Variants in CSMD2 observed in about 807,000 individuals in gnomAD.
The protein encoded by CSMD2 is CUB and sushi domain-containing protein 2.
CSMD2 carries 130 observed loss-of-function variants against 398.5 expected under a neutral mutation model. That is an observed-to-expected ratio of 0.33 (90% CI 0.28 to 0.38). The LOEUF (loss-of-function observed/expected upper bound fraction) is 0.38. Among genes scored for constraint, CSMD2 ranks in the 10% least tolerant of loss-of-function variants. The pLI, the probability that CSMD2 is intolerant of heterozygous loss-of-function variation, is 1.00. For synonymous variants in CSMD2, 1,828 were observed against 1,908.5 expected, an observed-to-expected ratio of 0.96 and a Z score of 1.10; for missense variants, 3,829 against 4,764.9, an observed-to-expected ratio of 0.80 and a Z score of 5.78.
chr1:33,936,235 G>T (rs966492091), intron 3 of CSMD2, among the ~76,000 whole-genome samples: 2 of 152,220 alleles, frequency 1.3e-5, no homozygotes, highest in African/African-American at 4.8e-5. Context: ...AGCCATGGAT[G>T]TGAATTATGT....
intron 2 of CSMD2, among the ~76,000 whole-genome samples, chr1:34,071,446 A>C (rs1655726340): frequency 6.6e-6 from 1 of 152,250 alleles, no homozygotes; most frequent in African/African-American, 2.4e-5. Flanking sequence ...AAATTCAATC[A>C]ATCAGCAGCA....
At chr1:33,758,042 A>G (rs1458104578) in intron 13 of CSMD2, among the ~76,000 whole-genome samples, 1 of 152,224 alleles carries the variant, frequency 6.6e-6, no homozygotes, top group Admixed American at 6.5e-5. Context: ...CCTGCTGCAC[A>G]GAAGATAAAG....
chr1:33,890,445 T>C (rs1641926769), intron 5 of CSMD2, among the ~76,000 whole-genome samples: 2 of 152,194 alleles, frequency 1.3e-5, no homozygotes, highest in African/African-American at 2.4e-5. Context: ...TTAGCCAGGA[T>C]GGTCTCGATC....
At chr1:33,684,665 T>C (rs1557727576) in intron 25 of CSMD2, among the ~76,000 whole-genome samples, 1 of 152,202 alleles carries the variant, frequency 6.6e-6, no homozygotes, top group African/African-American at 2.4e-5. Flanking sequence ...CAATGAGCTC[T>C]TCCAGAAGCA....
At chr1:33,680,702 C>G (rs568175130) in intron 25 of CSMD2, among the ~76,000 whole-genome samples, 1 of 152,248 alleles carries the variant, frequency 6.6e-6, no homozygotes, top group East Asian at 1.9e-4. Flanking sequence ...CTTTTCCCTA[C>G]ATGAGGCCTG....
At chr1:34,133,082 G>A (rs957146632) in intron 1 of CSMD2, among the ~76,000 whole-genome samples, 1 of 151,324 alleles carries the variant, frequency 6.6e-6, no homozygotes, top group African/African-American at 2.4e-5. Context: ...CTCATGCTTC[G>A]TCCTAGGACA....
At chr1:33,668,854 G>T (rs747777989) in intron 25 of CSMD2, among the ~76,000 whole-genome samples, 1 of 152,238 alleles carries the variant, frequency 6.6e-6, no homozygotes, top group Non-Finnish European at 1.5e-5. Context: ...GTTGAGAGCT[G>T]CAGAAATGTG....
At chr1:33,782,209 G>A (rs144814115) in intron 12 of CSMD2, among the ~76,000 whole-genome samples, 1 of 151,850 alleles carries the variant, frequency 6.6e-6, no homozygotes, top group East Asian at 1.9e-4. Flanking sequence ...GCTCGTTCCT[G>A]AGTCGAGATG....
intron 5 of CSMD2, among the ~76,000 whole-genome samples, chr1:33,909,571 G>A (rs928491854): frequency 1.3e-5 from 2 of 152,090 alleles, no homozygotes; most frequent in Non-Finnish European, 2.9e-5. Context: ...ATGTCAAGCA[G>A]GAGAAGGGCC....
rs777081063 is a variant in CSMD2, at chr1:33,546,150, T to G, written c.8987A>C (p.Asp2996Ala). The G allele has an allele frequency of 1.9e-6, 3 of 1,614,122 alleles. No homozygotes were observed. The highest frequency in any genetic ancestry group is 2.5e-6 in the Non-Finnish European group (3 of 1,180,026). ...AHGIRLGDSFDPGTVMRFSCE... is the reference protein window; with the variant it reads ...AHGIRLGDSFAPGTVMRFSCE... ...GCTGAAGCGCATCACAGTGCCTGGA[T>G]CAAAGCTGTCCCCCAAACGGATGCC... The change falls in exon 57 of 71, where the codon GAT (aspartate) becomes GCT (alanine). Residue 2996 changes from aspartate (D) to alanine (A), a missense_variant. Asp to Ala is a moderately radical substitution (Grantham distance 126). Coordinates refer to ENST00000373381, the MANE Select transcript of CSMD2 (RefSeq NM_001281956.2).
Position 33,757,207 on chromosome 1 carries a change from A to G in CSMD2, c.1847-13601T>C, listed in dbSNP as rs531052969. 2.7e-3 allele frequency among the ~76,000 whole-genome samples: 415 copies of G among 152,290 alleles called. 1 individual carries two copies. The highest frequency in any genetic ancestry group is 9.3e-3 in the African/African-American group (386 of 41,550). ...AGCATTAGGAGATATACCTAAAGCTAAATGACGAGTTAATGGGTGCAGCAC... is the reference window on the plus strand; with the variant it reads ...AGCATTAGGAGATATACCTAAAGCTGAATGACGAGTTAATGGGTGCAGCAC... On this transcript the variant is annotated intron_variant, in intron 13 of 70. Transcript: ENST00000373381.
chr1:33,711,711 T>C (rs1435021487), intron 21 of CSMD2, among the ~76,000 whole-genome samples: 4 of 152,172 alleles, frequency 2.6e-5, no homozygotes, highest in African/African-American at 9.7e-5. Context: ...CCCTTAAACA[T>C]GGGCTTGGGT....
chr1:33,720,408 G>A (rs1458098943), intron 19 of CSMD2, among the ~76,000 whole-genome samples: 1 of 152,194 alleles, frequency 6.6e-6, no homozygotes, highest in African/African-American at 2.4e-5. Context: ...TAGATGCAGA[G>A]CTGGGGAGAG....
rs552438298 is a variant in CSMD2 at position 33,900,602 on chromosome 1, C to A, written c.920+17492G>T. On this transcript the variant is annotated intron_variant, in intron 5 of 70. Coordinates refer to ENST00000373381, the MANE Select transcript of CSMD2 (RefSeq NM_001281956.2). ...GACCAGCCTGGCCAACATGGTGAAA[C>A]CTTGTCTCTACTAAAAATACAAATA... Among the ~76,000 whole-genome samples the A allele has an allele frequency of 1.6e-3, 250 of 152,194 alleles. 1 individual carries two copies. The highest frequency in any genetic ancestry group is 5.7e-3 in the African/African-American group (238 of 41,510).
chr1:34,008,644 A>G (rs1242683927), intron 3 of CSMD2, among the ~76,000 whole-genome samples: 2 of 152,250 alleles, frequency 1.3e-5, no homozygotes, highest in African/African-American at 2.4e-5. Context: ...CTAAACACAC[A>G]GATGGGCAGC....
intron 5 of CSMD2, among the ~76,000 whole-genome samples, chr1:33,896,387 T>C (rs1210421240): frequency 6.6e-6 from 1 of 152,130 alleles, no homozygotes; most frequent in Non-Finnish European, 1.5e-5. Context: ...TCGGTGAAGC[T>C]TGAGGACATC....
intron 10 of CSMD2, among the ~76,000 whole-genome samples, chr1:33,808,171 A>C (rs937444206): frequency 1.3e-5 from 2 of 152,084 alleles, no homozygotes; most frequent in African/African-American, 4.8e-5. Context: ...CAAATCCACC[A>C]TCATAATGGA....
rs140557877 is a variant in CSMD2 at position 33,764,312 on chromosome 1, G to A, written c.1846+8257C>T. Among the ~76,000 whole-genome samples, 466 of 152,170 alleles carry A rather than the reference G, an allele frequency of 3.1e-3. 2 individuals carry two copies. The highest frequency in any genetic ancestry group is 0.01 in the Middle Eastern group (3 of 294). ...CCAGGCTGCCCCATGGCCCTGGGAC[G>A]CTTCATAGCTATGACTAGTGCCCAT... On this transcript the variant is annotated intron_variant, in intron 13 of 70. Transcript: ENST00000373381.
At chr1:33,634,313 A>G (rs1054465339) in intron 31 of CSMD2, among the ~76,000 whole-genome samples, 9 of 152,286 alleles carry the variant, frequency 5.9e-5, no homozygotes, top group African/African-American at 1.2e-4. Flanking sequence ...GTGGCCCCCA[A>G]TGGGTGCTTA....
Sources: allele counts gnomAD v4.1 joint callset (sites outside exome capture counted in the v4.1 genomes callset), GRCh38; gene constraint gnomAD v4.1.1; transcripts MANE v1.5; gene names NCBI Gene and HGNC (gene_info 2026-07-23, HGNC 2026-07-21).